PRKAG2: variants seen among roughly 807,000 people sequenced by gnomAD.
The protein encoded by PRKAG2 is 5'-AMP-activated protein kinase subunit gamma-2.
A neutral mutation model predicts 69.6 loss-of-function variants in PRKAG2; 26 were observed. The ratio of observed to expected loss-of-function variants is 0.37; its 90% confidence interval spans 0.27 to 0.52. The LOEUF (loss-of-function observed/expected upper bound fraction) is 0.52. PRKAG2 is among the 20% of genes least tolerant of loss of function. PRKAG2 has a pLI of 0.90. For missense variants in PRKAG2, 557 were observed against 740.0 expected (o/e 0.75, Z 2.87); for synonymous variants, 293 against 285.0 (o/e 1.03, Z -0.28).
chr7:151,845,993 C>CTTG (rs2151891477), intron 1 of PRKAG2, among the ~76,000 whole-genome samples: 1 of 152,302 alleles, frequency 6.6e-6, no homozygotes, highest in South Asian at 2.1e-4. Flanking sequence ...AGGAGCCCTC[C>CTTG]TCAACAGATG....
chr7:151,824,313 T>C (rs2078858710), intron 1 of PRKAG2, among the ~76,000 whole-genome samples: 1 of 152,216 alleles, frequency 6.6e-6, no homozygotes, highest in Non-Finnish European at 1.5e-5. Flanking sequence ...CCCCACTTCC[T>C]GTCATCCTGC....
At chr7:151,684,742 G>C (rs1834453320) in intron 3 of PRKAG2, among the ~76,000 whole-genome samples, 2 of 152,106 alleles carry the variant, frequency 1.3e-5, no homozygotes, top group Non-Finnish European at 2.9e-5. Context: ...GCTCAGTGTG[G>C]AGGTGAGAAA....
intron 3 of PRKAG2, among the ~76,000 whole-genome samples, chr7:151,709,224 C>T (rs982521570): frequency 6.6e-6 from 1 of 152,084 alleles, no homozygotes; most frequent in African/African-American, 2.4e-5. Context: ...AGTGTTGTGA[C>T]ACTGACATTG....
chr7:151,858,071 T>A (rs2079830431), intron 1 of PRKAG2, among the ~76,000 whole-genome samples: 1 of 152,222 alleles, frequency 6.6e-6, no homozygotes, highest in South Asian at 2.1e-4. Context: ...CAGCCCAGGC[T>A]GGAGGAGCCA....
chr7:151,822,723 A>C (rs1306875485), intron 1 of PRKAG2, among the ~76,000 whole-genome samples: 1 of 152,004 alleles, frequency 6.6e-6, no homozygotes, highest in Non-Finnish European at 1.5e-5. Flanking sequence ...GCTTAGTGCA[A>C]TGGCCTTGGC....
At chr7:151,666,633 T>G (rs1327157688) in intron 4 of PRKAG2, among the ~76,000 whole-genome samples, 2 of 152,220 alleles carry the variant, frequency 1.3e-5, no homozygotes, top group Non-Finnish European at 2.9e-5. Context: ...CTGCCTAATC[T>G]GAAGGCTTGA....
rs547905883 is a variant in PRKAG2 at position 151,779,662 on chromosome 7, T to G, written c.466+1490A>C. Reference sequence around the variant, plus strand: ...CAATCTCGTCCTTTCTTCTGAAGCCTGCTTGCCTCTGACTAGGAGCCCTTG... The same window carrying G: ...CAATCTCGTCCTTTCTTCTGAAGCCGGCTTGCCTCTGACTAGGAGCCCTTG... On this transcript the variant is annotated intron_variant, in intron 3 of 15. Coordinates refer to ENST00000287878, the MANE Select transcript of PRKAG2 (RefSeq NM_016203.4). Among the ~76,000 whole-genome samples the G allele has an allele frequency of 9.2e-5, 14 of 152,368 alleles. No individual in the cohort carries two copies. In the Middle Eastern group the frequency reaches 0.017, roughly 185 times the overall value.
At chr7:151,775,262 A>AC (rs535300912) in intron 3 of PRKAG2, among the ~76,000 whole-genome samples, 1,960 of 151,550 alleles carry the variant, frequency 0.013, 35 homozygotes, top group Non-Finnish European at 0.02. Flanking sequence ...GCGTGATCCT[A>AC]CCCCCCACCC....
chr7:151,848,984 C>A (rs546554461), intron 1 of PRKAG2, among the ~76,000 whole-genome samples: 3 of 152,358 alleles, frequency 2.0e-5, no homozygotes, highest in Non-Finnish European at 4.4e-5. Flanking sequence ...CCGAGCCGTA[C>A]GGGTTGGCTC....
intron 1 of PRKAG2, among the ~76,000 whole-genome samples, chr7:151,826,507 C>T (rs2078908319): frequency 6.6e-6 from 1 of 152,120 alleles, no homozygotes; most frequent in African/African-American, 2.4e-5. Context: ...TCACCCATTT[C>T]CTCTTTCCAT....
intron 3 of PRKAG2, among the ~76,000 whole-genome samples, chr7:151,726,780 T>C (rs1458585627): frequency 6.6e-6 from 1 of 152,124 alleles, no homozygotes; most frequent in Non-Finnish European, 1.5e-5. Context: ...GGGGAGCTTC[T>C]GGGGTGCTGG....
At chr7:151,564,275 A>G in intron 13 of PRKAG2, 51 bp from the exon 14 acceptor site, 1 of 1,598,024 alleles carries the variant, frequency 6.3e-7, no homozygotes, top group Non-Finnish European at 8.6e-7. Flanking sequence ...AGTTCACTTC[A>G]ATGACCAAAA....
intron 5 of PRKAG2, among the ~76,000 whole-genome samples, chr7:151,616,858 T>C (rs1414147968): frequency 1.3e-5 from 2 of 152,296 alleles, no homozygotes; most frequent in East Asian, 3.9e-4. Flanking sequence ...TGAAAAATGA[T>C]GTAGCCGTAT....
At chr7:151,800,564 G>A (rs1366762864) in intron 1 of PRKAG2, among the ~76,000 whole-genome samples, 1 of 152,122 alleles carries the variant, frequency 6.6e-6, no homozygotes, top group Non-Finnish European at 1.5e-5. Context: ...GCTGGTCACT[G>A]CCACCTGGTG....
Position 151,835,775 on chromosome 7 carries a change from G to A in PRKAG2, c.114+40732C>T, listed in dbSNP as rs1218319127. 6.6e-6 allele frequency among the ~76,000 whole-genome samples: 1 copy of A among 152,206 alleles called. No individual in the cohort carries two copies. Among genetic ancestry groups the A allele is most frequent in the Non-Finnish European group, 1.5e-5 (1 of 68,044 alleles). On this transcript the variant is annotated intron_variant, in intron 1 of 15. Coordinates refer to ENST00000287878, the MANE Select transcript of PRKAG2 (RefSeq NM_016203.4). The surrounding 1 kb of genome is among the most constrained non-coding windows in gnomAD (Gnocchi z 4.1). ...CCATTGGTCTGGATCGGACATCCCG[G>A]GGGCTCTCGTGGGCAGCCTGGTGAT...
At position 151,575,811 on chromosome 7, in the gene PRKAG2, T is replaced by C. The variant is rs375079285; in HGVS notation, c.946+560A>G. 9.2e-5 allele frequency among the ~76,000 whole-genome samples: 13 copies of C among 141,436 alleles called. No homozygotes were observed. The East Asian group carries it at 1.9e-3, about 20-fold the overall frequency. 92.8% of individuals were successfully genotyped at this position (141,436 alleles called of 152,430 possible). ...ATAAGCTCTTCAGAGAGCCAAAAAG[T>C]TGCTAAATTAAAAGAAATTCAACAA... On this transcript the variant is annotated intron_variant, in intron 7 of 15. Transcript: ENST00000287878.
At chr7:151,707,367 A>G (rs2727562) in intron 3 of PRKAG2, among the ~76,000 whole-genome samples, 44,998 of 152,030 alleles carry the variant, frequency 0.3, 7,677 homozygotes, top group East Asian at 0.75. Flanking sequence ...GTGTGGCTGC[A>G]AATTCCTAGC....
At position 151,702,703 on chromosome 7, in the gene PRKAG2, C is replaced by T. The variant is rs189626125; in HGVS notation, c.467-27066G>A. Among the ~76,000 whole-genome samples the T allele has an allele frequency of 4.5e-3, 683 of 152,336 alleles. 4 individuals carry two copies. Among genetic ancestry groups the T allele is most frequent in the African/African-American group, 0.015 (643 of 41,580 alleles). The stretch of plus-strand genomic sequence containing the variant: ...ATACTCTCAGGAGAAACACCAAGTC[C>T]TGTTATTGGATAATAAGACTCTAGC... On this transcript the variant is annotated intron_variant, in intron 3 of 15. Transcript: ENST00000287878.
intron 4 of PRKAG2, among the ~76,000 whole-genome samples, chr7:151,642,965 G>A (rs1235197193): frequency 6.6e-6 from 1 of 152,202 alleles, no homozygotes; most frequent in Non-Finnish European, 1.5e-5. Context: ...GAACGAACAT[G>A]TGCTAGCATG....
Sources: allele counts gnomAD v4.1 joint callset (sites outside exome capture counted in the v4.1 genomes callset), GRCh38; gene constraint gnomAD v4.1.1; non-coding constraint Gnocchi (gnomAD v3.1); transcripts MANE v1.5; gene names NCBI Gene and HGNC (gene_info 2026-07-23, HGNC 2026-07-21).